The following TFB1M variants were observed in gnomAD, a reference collection of about 807,000 sequenced individuals.
TFB1M encodes dimethyladenosine transferase 1, mitochondrial.
In TFB1M, 27 loss-of-function variants were observed where a neutral mutation model predicts 31.1. That is an observed-to-expected ratio of 0.87 (90% CI 0.64 to 1.20). The LOEUF is 1.20. TFB1M is among the 50% of genes most tolerant of loss of function. The pLI is 0.00. For missense variants in TFB1M, 394 were observed against 418.7 expected, an observed-to-expected ratio of 0.94 and a Z score of 0.51; for synonymous variants, 166 against 151.8, an observed-to-expected ratio of 1.09 and a Z score of -0.69.
At chr6:155,297,144 A>C in intron 3 of TFB1M, 40 bp from the exon 4 acceptor site, 2 of 1,597,644 alleles carry the variant, frequency 1.3e-6, no homozygotes, top group Non-Finnish European at 1.7e-6. Context: ...TGATTCCATC[A>C]ATATATTCTG....
chr6:155,240,943 G>A, the TFB1M span, among the ~76,000 whole-genome samples: 1 of 152,250 alleles, frequency 6.6e-6, no homozygotes, highest in South Asian at 2.1e-4. Flanking sequence ...TACCAAGGTA[G>A]CTTTCACTAT....
chr6:155,278,462 G>A (rs1785320201), intron 5 of TFB1M, among the ~76,000 whole-genome samples: 1 of 152,226 alleles, frequency 6.6e-6, no homozygotes, highest in African/African-American at 2.4e-5. Context: ...CAACTAGACT[G>A]GGAGGTGTGG....
At chr6:155,281,721 CAAAAAAAAAA>C (rs1217317032) in intron 5 of TFB1M, among the ~76,000 whole-genome samples, 45 of 63,230 alleles carry the variant, frequency 7.1e-4, no homozygotes, top group African/African-American at 2.7e-3. Flanking sequence ...GACTCTGTCT[CAAAAAAAAAA>C]AAAAAAAAAA....
Position 155,314,481 on chromosome 6 carries a change from C to A in TFB1M, c.-53G>T. 1 of 1,613,062 alleles carries A rather than the reference C, an allele frequency of 6.2e-7. No homozygotes were observed. The highest frequency in any genetic ancestry group is 1.1e-5 in the South Asian group (1 of 91,026). On this transcript the variant is annotated 5_prime_UTR_variant, in exon 1 of 7. Coordinates refer to ENST00000367166, the MANE Select transcript of TFB1M (RefSeq NM_016020.4). Reference sequence around the variant, plus strand: ...ACCTCACCCAGGACCTTCACCGCCGCTCCGAAAGAAACGCGCAGGGGAGGA... The same window carrying A: ...ACCTCACCCAGGACCTTCACCGCCGATCCGAAAGAAACGCGCAGGGGAGGA...
At chr6:155,231,474 T>G in the TFB1M span, among the ~76,000 whole-genome samples, 1 of 152,258 alleles carries the variant, frequency 6.6e-6, no homozygotes, top group Non-Finnish European at 1.5e-5. Flanking sequence ...TCCTCAACTT[T>G]AAATGTCTCT....
chr6:155,284,310 CTT>C (rs1776523305), intron 5 of TFB1M, among the ~76,000 whole-genome samples: 1 of 152,124 alleles, frequency 6.6e-6, no homozygotes, highest in Admixed American at 6.5e-5. Context: ...CATGCTATCT[CTT>C]GTTATTTATG....
At chr6:155,231,394 T>A in the TFB1M span, among the ~76,000 whole-genome samples, 1 of 152,260 alleles carries the variant, frequency 6.6e-6, no homozygotes, top group East Asian at 1.9e-4. Context: ...TTGTACCATT[T>A]TGATAAATAT....
intron 4 of TFB1M, among the ~76,000 whole-genome samples, chr6:155,286,615 A>G (rs71575028): frequency 0.47 from 64,689 of 138,394 alleles, 15,806 homozygotes; most frequent in East Asian, 0.83. Context: ...GTGTATATAT[A>G]TGTGTATATA....
At chr6:155,283,606 A>G (rs1019170271) in intron 5 of TFB1M, among the ~76,000 whole-genome samples, 1 of 152,194 alleles carries the variant, frequency 6.6e-6, no homozygotes, top group Non-Finnish European at 1.5e-5. Flanking sequence ...AATAATCTCA[A>G]CTAGGTAACT....
At chr6:155,271,934 C>T (rs1784938056) in intron 5 of TFB1M, among the ~76,000 whole-genome samples, 1 of 152,190 alleles carries the variant, frequency 6.6e-6, no homozygotes, top group Admixed American at 6.5e-5. Context: ...CCCGCCTCTC[C>T]TTTCTTAATT....
chr6:155,234,007 G>GA, the TFB1M span, among the ~76,000 whole-genome samples: 1 of 149,604 alleles, frequency 6.7e-6, no homozygotes, highest in African/African-American at 2.5e-5. Flanking sequence ...TTTTTTTGGG[G>GA]GGGGGTTGGG....
chr6:155,234,204 C>T, the TFB1M span, among the ~76,000 whole-genome samples: 7 of 152,154 alleles, frequency 4.6e-5, no homozygotes, highest in Non-Finnish European at 8.8e-5. Context: ...GCCCCCATTT[C>T]AAGTGCCCGT....
chr6:155,244,269 CAG>C, the TFB1M span, among the ~76,000 whole-genome samples: 1 of 152,214 alleles, frequency 6.6e-6, no homozygotes, highest in African/African-American at 2.4e-5. Flanking sequence ...GACCCAGTGG[CAG>C]AGTGTTTACA....
chr6:155,248,106 C>T, the TFB1M span: 1 of 1,614,222 alleles, frequency 6.2e-7, no homozygotes, highest in Non-Finnish European at 8.5e-7. Context: ...AGAGAGTGCT[C>T]AAGTACCCGC....
chr6:155,247,350 A>G, the TFB1M span, among the ~76,000 whole-genome samples: 1 of 151,954 alleles, frequency 6.6e-6, no homozygotes, highest in Non-Finnish European at 1.5e-5. Flanking sequence ...TTTTTTTGAG[A>G]TGGAGTCTCA....
At chr6:155,290,158 G>A (rs1395161784) in intron 4 of TFB1M, among the ~76,000 whole-genome samples, 6 of 152,100 alleles carry the variant, frequency 3.9e-5, no homozygotes, top group East Asian at 3.9e-4. Flanking sequence ...AGGCTGAGGC[G>A]TGTGGATCAC....
At chr6:155,234,153 T>C in the TFB1M span, among the ~76,000 whole-genome samples, 4 of 152,194 alleles carry the variant, frequency 2.6e-5, no homozygotes, top group Non-Finnish European at 5.9e-5. Context: ...GACCCAAGTT[T>C]GTAGCATTGA....
rs1273494271 is a variant in TFB1M at position 155,256,998 on chromosome 6, T to A, written c.*838A>T. 6.2e-6 allele frequency: 10 copies of A among 1,614,142 alleles called. No individual in the cohort carries two copies. The highest frequency in any genetic ancestry group is 1.3e-5 in the African/African-American group (1 of 75,036). On this transcript the variant is annotated 3_prime_UTR_variant, in exon 7 of 7. Coordinates refer to ENST00000367166, the MANE Select transcript of TFB1M (RefSeq NM_016020.4). ...AGATCCGTCACCAGTCCCTTGACAGTCAGTCTGAAAATGCCACCATCGACC... is the reference window on the plus strand; with the variant it reads ...AGATCCGTCACCAGTCCCTTGACAGACAGTCTGAAAATGCCACCATCGACC...
At chr6:155,311,389 C>A in intron 1 of TFB1M, 50 bp from the exon 2 acceptor site, 1 of 1,512,792 alleles carries the variant, frequency 6.6e-7, no homozygotes, top group Non-Finnish European at 9.2e-7. Flanking sequence ...CAAATTTCAA[C>A]GTATGAAATT....
Sources: allele counts gnomAD v4.1 joint callset (sites outside exome capture counted in the v4.1 genomes callset), GRCh38; gene constraint gnomAD v4.1.1; transcripts MANE v1.5; gene names NCBI Gene and HGNC (gene_info 2026-07-23, HGNC 2026-07-21).